The following PGM5 variants were observed in gnomAD, a reference collection of about 807,000 sequenced individuals.
PGM5 encodes phosphoglucomutase 5.
In PGM5, 23 loss-of-function variants were observed where a neutral mutation model predicts 59.2. The ratio of observed to expected loss-of-function variants is 0.39; its 90% CI spans 0.28 to 0.55. The LOEUF (loss-of-function observed/expected upper bound fraction) is 0.55, where lower values mean the gene tolerates loss of function less well. Ranked by LOEUF, PGM5 falls within the 20% of genes least tolerant of loss-of-function variation. The pLI is 0.66. For missense variants in PGM5, 574 were observed against 748.3 expected (o/e 0.77, Z 2.72); for synonymous variants, 214 against 286.0 (o/e 0.75, Z 2.54).
intron 6 of PGM5, among the ~76,000 whole-genome samples, chr9:68,450,419 A>C (rs1305901297): frequency 1.3e-5 from 2 of 152,232 alleles, no homozygotes; most frequent in East Asian, 3.9e-4. Context: ...AAGTGTAAAA[A>C]ACTTTAACCT....
chr9:68,370,978 G>T (rs1263726280), intron 1 of PGM5, among the ~76,000 whole-genome samples: 2 of 152,124 alleles, frequency 1.3e-5, no homozygotes, highest in African/African-American at 4.8e-5. Flanking sequence ...GTCTGCAGGG[G>T]TCTGTGTGAT....
chr9:68,432,067 T>A (rs147037510), intron 6 of PGM5, among the ~76,000 whole-genome samples: 1 of 152,008 alleles, frequency 6.6e-6, no homozygotes, highest in African/African-American at 2.4e-5. Flanking sequence ...TGTTGTGTTG[T>A]TTTTTGTTTT....
intron 6 of PGM5, among the ~76,000 whole-genome samples, chr9:68,441,045 C>G (rs1419258787): frequency 6.6e-6 from 1 of 151,930 alleles, no homozygotes; most frequent in Non-Finnish European, 1.5e-5. Flanking sequence ...TGAATAAATT[C>G]AACAACTTAG....
At chr9:68,391,308 A>G (rs1822358164) in intron 4 of PGM5, among the ~76,000 whole-genome samples, 1 of 152,134 alleles carries the variant, frequency 6.6e-6, no homozygotes, top group African/African-American at 2.4e-5. Context: ...ATGGAACTAG[A>G]TGACTGAATA....
chr9:68,370,404 A>T (rs1402313331), intron 1 of PGM5, among the ~76,000 whole-genome samples: 5 of 152,144 alleles, frequency 3.3e-5, no homozygotes, highest in Non-Finnish European at 7.3e-5. Context: ...ACTCATTTAG[A>T]GTCAACATTC....
chr9:68,453,039 C>T (rs1554684512), intron 6 of PGM5, among the ~76,000 whole-genome samples: 3 of 152,204 alleles, frequency 2.0e-5, no homozygotes, highest in African/African-American at 7.2e-5. Context: ...AAATCTTAGC[C>T]AGCATTTTCC....
intron 6 of PGM5, among the ~76,000 whole-genome samples, chr9:68,413,197 C>T (rs545315387): frequency 7.2e-5 from 11 of 152,256 alleles, no homozygotes; most frequent in East Asian, 3.9e-4. Context: ...GTCTGGCTAT[C>T]TTCATTTCTT....
intron 2 of PGM5, among the ~76,000 whole-genome samples, chr9:68,383,735 CAAGGTAAA>C (rs1223075369): frequency 6.5e-5 from 2 of 30,982 alleles, no homozygotes; most frequent in African/African-American, 2.5e-4. Context: ...TTAAGATATA[CAAGGTAAA>C]AAAAAAAAAA....
intron 1 of PGM5, among the ~76,000 whole-genome samples, chr9:68,363,662 C>G (rs1160094103): frequency 6.6e-6 from 1 of 152,294 alleles, no homozygotes; most frequent in East Asian, 1.9e-4. Flanking sequence ...GGAAGACTCA[C>G]CTTCTTTTCC....
At chr9:68,364,529 T>C (rs1834642403) in intron 1 of PGM5, among the ~76,000 whole-genome samples, 1 of 152,072 alleles carries the variant, frequency 6.6e-6, no homozygotes, top group South Asian at 2.1e-4. Context: ...ACAGAATAGG[T>C]GAATGGAATG....
chr9:68,449,012 C>T (rs568588652), intron 6 of PGM5, among the ~76,000 whole-genome samples: 3 of 152,266 alleles, frequency 2.0e-5, no homozygotes, highest in South Asian at 4.2e-4. Context: ...GCTGGGAAGT[C>T]CAAGATCAAG....
At chr9:68,387,394 C>T (rs1281413258) in intron 3 of PGM5, 69 bp from the exon 4 acceptor site, 3 of 1,312,574 alleles carry the variant, frequency 2.3e-6, no homozygotes, top group Non-Finnish European at 3.3e-6. Flanking sequence ...GGTAGTGATT[C>T]TTTTTATGCT....
At chr9:68,452,084 C>T (rs1823705768) in intron 6 of PGM5, among the ~76,000 whole-genome samples, 1 of 152,204 alleles carries the variant, frequency 6.6e-6, no homozygotes, top group African/African-American at 2.4e-5. Flanking sequence ...ATTCCTCCTG[C>T]TCCATTCACC....
intron 6 of PGM5, among the ~76,000 whole-genome samples, chr9:68,401,887 ATATGTGTGTG>A (rs1469354121): frequency 1.5e-4 from 1 of 6,614 alleles, no homozygotes; most frequent in Non-Finnish European, 4.2e-4. Context: ...CTATATATAT[ATATGTGTGTG>A]TGTGTGTGTG....
intron 6 of PGM5, among the ~76,000 whole-genome samples, chr9:68,449,159 T>C (rs1823657899): frequency 6.6e-6 from 1 of 152,236 alleles, no homozygotes; most frequent in Non-Finnish European, 1.5e-5. Flanking sequence ...ATCCCATTTA[T>C]GAGGGCTTCA....
intron 7 of PGM5, among the ~76,000 whole-genome samples, chr9:68,476,221 A>C (rs1269957597): frequency 6.6e-6 from 1 of 152,120 alleles, no homozygotes; most frequent in Non-Finnish European, 1.5e-5. Flanking sequence ...ATGGTATCCC[A>C]TTTTACACAC....
chr9:68,502,176 T>C (rs1289794322), intron 10 of PGM5, among the ~76,000 whole-genome samples: 1 of 152,220 alleles, frequency 6.6e-6, no homozygotes, highest in African/African-American at 2.4e-5. Flanking sequence ...CTCTGTGTCC[T>C]TGGTAAATCA....
Position 68,357,434 on chromosome 9 carries a change from C to A in PGM5, c.261+46C>A, listed in dbSNP as rs570633734. The A allele has an allele frequency of 6.9e-5, 106 of 1,542,046 alleles. No homozygotes were observed. The East Asian group carries it at 2.0e-3, about 28-fold the overall frequency. On this transcript the variant is annotated intron_variant, in intron 1 of 10. Transcript: ENST00000396396. ...CGCTTCCCGCCGCGCCGCCGCCATG[C>A]CCTCTCCTAGCCCTTGTCCCCCTGC...
Position 68,379,529 on chromosome 9 carries a change from A to G in PGM5, c.424+1168A>G, listed in dbSNP as rs138160917. ...CTACAAAGGTAGACAACAATAGAGG[A>G]AGAAGAGAACAAATTATCTACAAAG... On this transcript the variant is annotated intron_variant, in intron 2 of 10. Coordinates refer to ENST00000396396, the MANE Select transcript of PGM5 (RefSeq NM_021965.4). Among the ~76,000 whole-genome samples the G allele has an allele frequency of 4.6e-3, 702 of 152,314 alleles. 5 individuals are homozygous for G. The highest frequency in any genetic ancestry group is 0.013 in the South Asian group (65 of 4,826).
Sources: allele counts gnomAD v4.1 joint callset (sites outside exome capture counted in the v4.1 genomes callset), GRCh38; gene constraint gnomAD v4.1.1; transcripts MANE v1.5; gene names NCBI Gene and HGNC (gene_info 2026-07-23, HGNC 2026-07-21).